UST: variants seen among roughly 807,000 people sequenced by gnomAD.
The protein encoded by UST is uronyl 2-sulfotransferase.
UST carries 21 observed loss-of-function variants against 45.6 expected under a neutral mutation model. That is an observed-to-expected ratio of 0.46 (90% CI 0.33 to 0.66). UST has a LOEUF of 0.66. Ranked by LOEUF, UST falls within the 30% of genes least tolerant of loss-of-function variation. The probability of loss-of-function intolerance (pLI) is 0.02; values close to 1 mark genes in which losing one functional copy is unlikely to be tolerated. For missense variants in UST, 463 were observed against 512.4 expected (o/e 0.90, Z 0.93); for synonymous variants, 215 against 200.6 (o/e 1.07, Z -0.61).
rs567848409 is a variant in UST at position 149,052,629 on chromosome 6, T to C, written c.938-21204T>C. Among the ~76,000 whole-genome samples the C allele has an allele frequency of 2.6e-5, 4 of 152,100 alleles. No homozygotes were observed. In the East Asian group the frequency reaches 7.7e-4, roughly 29 times the overall value. On this transcript the variant is annotated intron_variant, in intron 7 of 7. Coordinates refer to ENST00000367463, the MANE Select transcript of UST (RefSeq NM_005715.3). ...CTCTCTCTCTCTGAAAAGGGCAAAATCTAAAACATGATTATCTGAGGGAGA... is the reference window on the plus strand; with the variant it reads ...CTCTCTCTCTCTGAAAAGGGCAAAACCTAAAACATGATTATCTGAGGGAGA...
At chr6:148,854,958 C>A (rs73003163) in intron 1 of UST, among the ~76,000 whole-genome samples, 1,831 of 152,140 alleles carry the variant, frequency 0.012, 22 homozygotes, top group Admixed American at 0.024. Context: ...TAATGGACGT[C>A]GGGTTCCACG....
At chr6:149,063,896 C>G (rs1012110212) in intron 7 of UST, among the ~76,000 whole-genome samples, 1 of 152,156 alleles carries the variant, frequency 6.6e-6, no homozygotes, top group African/African-American at 2.4e-5. Flanking sequence ...AGAATAAAAT[C>G]TAGAGAAAAT....
At position 148,790,584 on chromosome 6, in the gene UST, G is replaced by A. The variant is rs992033707; in HGVS notation, c.247+42907G>A. Among the ~76,000 whole-genome samples, 8 of 152,176 alleles carry A rather than the reference G, an allele frequency of 5.3e-5. No individual in the cohort carries two copies. The highest frequency in any genetic ancestry group is 1.9e-4 in the African/African-American group (8 of 41,448). ...GTAGCGGATGCTGTGATGTGCCACCGTTCAGAGAGGCACTCAGGCTGCCAG... is the reference window on the plus strand; with the variant it reads ...GTAGCGGATGCTGTGATGTGCCACCATTCAGAGAGGCACTCAGGCTGCCAG... On this transcript the variant is annotated intron_variant, in intron 1 of 7. Coordinates refer to ENST00000367463, the MANE Select transcript of UST (RefSeq NM_005715.3). This position sits in a 1 kb window ranked among gnomAD's most constrained non-coding sequence, Gnocchi z 4.2.
At chr6:148,822,337 G>A (rs1156245002) in intron 1 of UST, among the ~76,000 whole-genome samples, 1 of 152,148 alleles carries the variant, frequency 6.6e-6, no homozygotes, top group African/African-American at 2.4e-5. Context: ...TCTTTGAGAA[G>A]AAACTGACCT....
At chr6:148,889,815 C>T (rs34443186) in intron 2 of UST, among the ~76,000 whole-genome samples, 11 of 151,972 alleles carry the variant, frequency 7.2e-5, no homozygotes, top group Admixed American at 4.6e-4. Context: ...TGCCTAGATT[C>T]GGTGTTGGCT....
intron 1 of UST, among the ~76,000 whole-genome samples, chr6:148,771,499 A>G (rs1164185139): frequency 1.3e-5 from 2 of 152,240 alleles, no homozygotes; most frequent in Non-Finnish European, 2.9e-5. Context: ...TCTAAACCAG[A>G]AGCAAGTTTC....
chr6:148,747,436 G>T lies in UST; in HGVS notation c.6G>T (p.Lys2Asn). MKKKQQHPGGGA... is the reference protein window; with the variant it reads MNKKQQHPGGGA... Reference sequence around the variant, plus strand: ...GGGAGGCAGCGGAGCAGGCGATGAAGAAGAAGCAGCAGCATCCCGGCGGCG... The same window carrying T: ...GGGAGGCAGCGGAGCAGGCGATGAATAAGAAGCAGCAGCATCCCGGCGGCG... Residue 2 changes from lysine to asparagine, a missense_variant, in exon 1 of 8, where the codon AAG becomes AAT. Around this residue, in one of 2 missense-constraint regions of UST, gnomAD observed 176 missense variants for 138.3 expected, o/e 1.27. Coordinates refer to ENST00000367463, the MANE Select transcript of UST (RefSeq NM_005715.3). The T allele has an allele frequency of 5.0e-6, 7 of 1,412,250 alleles. No homozygotes were observed. The highest frequency in any genetic ancestry group is 5.6e-6 in the Non-Finnish European group (6 of 1,080,404). The allele number at this position is 1,412,250 out of a possible 1,614,324, so 87.5% of individuals were successfully genotyped here.
intron 1 of UST, among the ~76,000 whole-genome samples, chr6:148,863,785 C>T (rs1278293666): frequency 1.3e-5 from 2 of 152,190 alleles, no homozygotes; most frequent in Non-Finnish European, 2.9e-5. Flanking sequence ...ACCCTGTTTG[C>T]CTGGGTATCA....
At chr6:148,855,096 A>G (rs1371213335) in intron 1 of UST, among the ~76,000 whole-genome samples, 2 of 152,100 alleles carry the variant, frequency 1.3e-5, no homozygotes, top group African/African-American at 2.4e-5. Flanking sequence ...CGCGAGACGT[A>G]TTCACTATCA....
rs371450149 is a variant in UST at position 148,868,039 on chromosome 6, G to A, written c.248-18947G>A. Among the ~76,000 whole-genome samples the A allele has an allele frequency of 2.6e-5, 4 of 152,116 alleles. No individual in the cohort carries two copies. In the East Asian group the frequency reaches 7.7e-4, roughly 29 times the overall value. On this transcript the variant is annotated intron_variant, in intron 1 of 7. Coordinates refer to ENST00000367463, the MANE Select transcript of UST (RefSeq NM_005715.3). Reference sequence around the variant, plus strand: ...CATCACTGATGAGCCTGCCACTGATGAGCAGTCCTGGCATCATCACTTCCT... The same window carrying A: ...CATCACTGATGAGCCTGCCACTGATAAGCAGTCCTGGCATCATCACTTCCT...
intron 1 of UST, among the ~76,000 whole-genome samples, chr6:148,789,895 G>A (rs1188932520): frequency 1.3e-5 from 2 of 151,660 alleles, no homozygotes; most frequent in African/African-American, 2.4e-5. Flanking sequence ...ACTGTGCCTG[G>A]CCAAAAATAT....
intron 1 of UST, among the ~76,000 whole-genome samples, chr6:148,826,001 G>C (rs1473842057): frequency 6.6e-6 from 1 of 152,198 alleles, no homozygotes; most frequent in African/African-American, 2.4e-5. Context: ...GACACTGAGA[G>C]CTGCTAGTCC....
intron 5 of UST, among the ~76,000 whole-genome samples, chr6:148,972,471 G>A (rs1316834827): frequency 6.6e-6 from 1 of 152,234 alleles, no homozygotes; most frequent in Non-Finnish European, 1.5e-5. Flanking sequence ...GAGGTGAGGA[G>A]CTTGGGTACA....
intron 2 of UST, among the ~76,000 whole-genome samples, chr6:148,901,044 C>T (rs550752955): frequency 2.6e-5 from 4 of 152,306 alleles, no homozygotes; most frequent in African/African-American, 4.8e-5. Context: ...GGATCCTCTC[C>T]TCAGCTCAGG....
At position 148,790,973 on chromosome 6, in the gene UST, C is replaced by T. The variant is rs924818378; in HGVS notation, c.247+43296C>T. On this transcript the variant is annotated intron_variant, in intron 1 of 7. Transcript: ENST00000367463. The surrounding 1 kb of genome is among the most constrained non-coding windows in gnomAD (Gnocchi z 4.2). ...TCTGCGCAACAGTTAAAGGTGCACG[C>T]GTTAGTGAAACCTCGCAACACATCA... Among the ~76,000 whole-genome samples the T allele has an allele frequency of 2.0e-5, 3 of 152,220 alleles. No homozygotes were observed. The highest frequency in any genetic ancestry group is 7.2e-5 in the African/African-American group (3 of 41,458).
chr6:149,005,506 T>C lies in UST; in HGVS notation c.682-13633T>C, dbSNP rs147330978. The C allele has an allele frequency of 5.5e-4, 546 of 985,028 alleles. 2 individuals carry two copies. In the African/African-American group the frequency reaches 9.0e-3, roughly 16 times the overall value. 61.0% of individuals were successfully genotyped at this position (985,028 alleles called of 1,614,324 possible). ...GTGGGCCCGAACTTTGCTCATTTAATGAGATAGAATTAGTAAAGTCTCCAG... is the reference window on the plus strand; with the variant it reads ...GTGGGCCCGAACTTTGCTCATTTAACGAGATAGAATTAGTAAAGTCTCCAG... On this transcript the variant is annotated intron_variant, in intron 5 of 7. Coordinates refer to ENST00000367463, the MANE Select transcript of UST (RefSeq NM_005715.3).
At chr6:148,896,314 A>C (rs1779128299) in intron 2 of UST, among the ~76,000 whole-genome samples, 1 of 152,200 alleles carries the variant, frequency 6.6e-6, no homozygotes, top group Admixed American at 6.5e-5. Context: ...ATGCCCATCC[A>C]CCTGGTTTTC....
At chr6:148,770,716 C>G (rs1776409730) in intron 1 of UST, among the ~76,000 whole-genome samples, 1 of 152,078 alleles carries the variant, frequency 6.6e-6, no homozygotes, top group Admixed American at 6.6e-5. Flanking sequence ...CACCTCTTCC[C>G]TCTCCTGAGT....
chr6:149,064,099 T>C (rs1389408598), intron 7 of UST, among the ~76,000 whole-genome samples: 1 of 152,206 alleles, frequency 6.6e-6, no homozygotes, highest in Non-Finnish European at 1.5e-5. Flanking sequence ...CTGGTCTCCC[T>C]GGTGAGGATT....
Sources: allele counts gnomAD v4.1 joint callset (sites outside exome capture counted in the v4.1 genomes callset), GRCh38; gene constraint gnomAD v4.1.1; regional missense constraint gnomAD v4.1.1; non-coding constraint Gnocchi (gnomAD v3.1); transcripts MANE v1.5; gene names NCBI Gene and HGNC (gene_info 2026-07-23, HGNC 2026-07-21).